The following PTPRD variants were observed in gnomAD, a reference collection of about 807,000 sequenced individuals.
PTPRD encodes protein tyrosine phosphatase receptor type D.
A neutral mutation model predicts 214.5 loss-of-function variants in PTPRD; 34 were observed. The ratio of observed to expected loss-of-function variants is 0.16; its 90% CI spans 0.12 to 0.21. The LOEUF is 0.21. Ranked by LOEUF, PTPRD falls within the 10% of genes least tolerant of loss-of-function variation. The pLI, the probability that PTPRD is intolerant of heterozygous loss-of-function variation, is 1.00. For synonymous variants in PTPRD, 1,128 were observed against 845.7 expected, an observed-to-expected ratio of 1.33 and a Z score of -5.79; for missense variants, 2,545 against 2,398.7, an observed-to-expected ratio of 1.06 and a Z score of -1.27.
chr9:9,329,076 A>G (rs74757375), intron 9 of PTPRD, among the ~76,000 whole-genome samples: 2,611 of 151,984 alleles, frequency 0.017, 76 homozygotes, highest in African/African-American at 0.061. Flanking sequence ...ATGAACAGTG[A>G]CTCTGGGAAA....
At chr9:10,094,363 G>A (rs2098462258) in intron 3 of PTPRD, among the ~76,000 whole-genome samples, 1 of 151,170 alleles carries the variant, frequency 6.6e-6, no homozygotes, top group Non-Finnish European at 1.5e-5. Context: ...ATATAAATTT[G>A]ACATGATTTT....
At chr9:9,325,688 T>A (rs1203450322) in intron 9 of PTPRD, among the ~76,000 whole-genome samples, 1 of 152,166 alleles carries the variant, frequency 6.6e-6, no homozygotes, top group African/African-American at 2.4e-5. Flanking sequence ...CTTTATCTCT[T>A]TCTCCTGCCT....
chr9:8,633,481 T>C (rs772849516), intron 13 of PTPRD, 23 bp from the exon 14 acceptor site: 1 of 1,607,798 alleles, frequency 6.2e-7, no homozygotes, highest in Non-Finnish European at 8.5e-7. Context: ...ACAATAGCTG[T>C]CACAGGTGTT....
rs188800851 is a variant in PTPRD at position 10,179,005 on chromosome 9, A to C, written c.-544-145215T>G. The stretch of plus-strand genomic sequence containing the variant: ...TAAAAAATAAATGAAATATGATAAA[A>C]TAGTTCATGAACAATCAAATAAGAG... On this transcript the variant is annotated intron_variant, in intron 3 of 45. Transcript: ENST00000381196. 3.3e-5 allele frequency among the ~76,000 whole-genome samples: 5 copies of C among 152,170 alleles called. No individual in the cohort carries two copies. In the East Asian group the frequency reaches 9.6e-4, roughly 29 times the overall value.
chr9:9,230,936 A>G (rs1238108403), intron 9 of PTPRD, among the ~76,000 whole-genome samples: 1 of 152,130 alleles, frequency 6.6e-6, no homozygotes, highest in Non-Finnish European at 1.5e-5. Flanking sequence ...ATCGCTTTAT[A>G]GTGTGCAGTC....
intron 3 of PTPRD, among the ~76,000 whole-genome samples, chr9:10,311,877 G>A (rs548004709): frequency 6.6e-6 from 1 of 152,076 alleles, no homozygotes; most frequent in African/African-American, 2.4e-5. Flanking sequence ...GTGTGAGATC[G>A]AATTGTCAGG....
At chr9:9,469,608 G>A (rs1014958896) in intron 8 of PTPRD, among the ~76,000 whole-genome samples, 4 of 152,128 alleles carry the variant, frequency 2.6e-5, no homozygotes, top group African/African-American at 7.2e-5. Context: ...TTGAGTGCTG[G>A]CAACTAATTT....
intron 12 of PTPRD, among the ~76,000 whole-genome samples, chr9:8,726,622 T>TG (rs2098574256): frequency 9.5e-5 from 2 of 20,986 alleles, no homozygotes; most frequent in Non-Finnish European, 1.6e-4. Context: ...TATATATATA[T>TG]ATATATATAT....
chr9:8,678,582 A>C (rs1192449860), intron 12 of PTPRD, among the ~76,000 whole-genome samples: 1 of 152,198 alleles, frequency 6.6e-6, no homozygotes, highest in Non-Finnish European at 1.5e-5. Flanking sequence ...TCAATAATAA[A>C]GGAAATACAG....
chr9:8,382,168 A>C (rs879522901), intron 37 of PTPRD, among the ~76,000 whole-genome samples: 1 of 152,250 alleles, frequency 6.6e-6, no homozygotes, highest in Non-Finnish European at 1.5e-5. Flanking sequence ...AGCCAGCATC[A>C]ATGCAGTTCA....
intron 14 of PTPRD, among the ~76,000 whole-genome samples, chr9:8,582,945 C>T (rs987962654): frequency 1.3e-5 from 2 of 152,156 alleles, no homozygotes; most frequent in Admixed American, 1.3e-4. Context: ...TGAGTTGGAG[C>T]ACTGCTTGAA....
chr9:8,476,818 G>C (rs2096775131), intron 30 of PTPRD, among the ~76,000 whole-genome samples: 1 of 152,122 alleles, frequency 6.6e-6, no homozygotes, highest in Non-Finnish European at 1.5e-5. Context: ...CCTCTCCTAA[G>C]TCAGGCAGTC....
intron 12 of PTPRD, among the ~76,000 whole-genome samples, chr9:8,649,953 T>C (rs1364272104): frequency 6.6e-6 from 1 of 152,204 alleles, no homozygotes; most frequent in Non-Finnish European, 1.5e-5. Flanking sequence ...GGTTTTACTC[T>C]GTTGCCTAGG....
chr9:9,361,517 T>C (rs2056142424), intron 9 of PTPRD, among the ~76,000 whole-genome samples: 1 of 151,044 alleles, frequency 6.6e-6, no homozygotes, highest in Non-Finnish European at 1.5e-5. Flanking sequence ...TCAATTCTAC[T>C]GTTGATCTTT....
At chr9:8,915,071 AAG>A (rs2098775122) in intron 11 of PTPRD, among the ~76,000 whole-genome samples, 1 of 152,180 alleles carries the variant, frequency 6.6e-6, no homozygotes, top group Non-Finnish European at 1.5e-5. Flanking sequence ...AAAGCTCTCT[AAG>A]AGAGGAAAAT....
chr9:10,054,444 A>G (rs2097585311), intron 3 of PTPRD, among the ~76,000 whole-genome samples: 1 of 152,138 alleles, frequency 6.6e-6, no homozygotes, highest in Non-Finnish European at 1.5e-5. Context: ...TTAGTTGACT[A>G]CACTGTAGAA....
chr9:10,581,203 G>A (rs1189460088), intron 2 of PTPRD, among the ~76,000 whole-genome samples: 1 of 151,970 alleles, frequency 6.6e-6, no homozygotes, highest in African/African-American at 2.4e-5. Flanking sequence ...AACGCTACCT[G>A]GTGCATATTA....
At chr9:10,386,391 T>A (rs1360217136) in intron 2 of PTPRD, among the ~76,000 whole-genome samples, 2 of 151,898 alleles carry the variant, frequency 1.3e-5, no homozygotes, top group African/African-American at 4.8e-5. Flanking sequence ...CCTATATTTA[T>A]CTCTTCCTCC....
chr9:9,022,567 G>C (rs2099573536), intron 10 of PTPRD, among the ~76,000 whole-genome samples: 1 of 152,132 alleles, frequency 6.6e-6, no homozygotes, highest in Non-Finnish European at 1.5e-5. Flanking sequence ...GTTTGTAGTA[G>C]GTTGAGCCAT....
Sources: allele counts gnomAD v4.1 joint callset (sites outside exome capture counted in the v4.1 genomes callset), GRCh38; gene constraint gnomAD v4.1.1; transcripts MANE v1.5; gene names NCBI Gene and HGNC (gene_info 2026-07-23, HGNC 2026-07-21).